The following FBXL17 variants were observed in gnomAD, a reference collection of about 807,000 sequenced individuals.
The protein encoded by FBXL17 is F-box and leucine rich repeat protein 17, also known as F-box/LRR-repeat protein 17.
FBXL17 carries 22 observed loss-of-function variants against 66.2 expected under a neutral mutation model. The observed-to-expected ratio is 0.33, with a 90% CI of 0.24 to 0.47. The LOEUF (loss-of-function observed/expected upper bound fraction) is 0.47, where lower values mean the gene tolerates loss of function less well. Among genes scored for constraint, FBXL17 ranks in the 20% least tolerant of loss-of-function variants. FBXL17 has a pLI of 1.00. For synonymous variants in FBXL17, 474 were observed against 400.5 expected, an observed-to-expected ratio of 1.18 and a Z score of -2.19; for missense variants, 878 against 948.2, an observed-to-expected ratio of 0.93 and a Z score of 0.97.
intron 7 of FBXL17, among the ~76,000 whole-genome samples, chr5:107,949,288 C>T (rs1052448818): frequency 1.3e-5 from 2 of 151,986 alleles, no homozygotes; most frequent in African/African-American, 4.8e-5. Context: ...TGGTTTTATT[C>T]TAGGTACCAT....
chr5:108,017,926 T>C (rs1754446716), intron 7 of FBXL17, among the ~76,000 whole-genome samples: 1 of 152,132 alleles, frequency 6.6e-6, no homozygotes. Flanking sequence ...CATAACTCTG[T>C]AACAGCCTGG....
intron 6 of FBXL17, among the ~76,000 whole-genome samples, chr5:108,115,574 C>T (rs1035167723): frequency 6.6e-6 from 1 of 151,114 alleles, no homozygotes; most frequent in Non-Finnish European, 1.5e-5. Context: ...GTTCAAGCTG[C>T]TGGGGGAAAG....
chr5:107,982,303 A>G (rs1441303401), intron 7 of FBXL17, among the ~76,000 whole-genome samples: 1 of 152,140 alleles, frequency 6.6e-6, no homozygotes, highest in Non-Finnish European at 1.5e-5. Context: ...GTACTGGGCC[A>G]TCAATATTGA....
chr5:107,879,092 G>A (rs1748700300), intron 8 of FBXL17: 2 of 985,346 alleles, frequency 2.0e-6, no homozygotes, highest in Non-Finnish European at 1.2e-6. Flanking sequence ...ATGCTGGTCA[G>A]CAAATATGTC....
chr5:107,874,996 T>C (rs545967708), intron 8 of FBXL17, among the ~76,000 whole-genome samples: 2 of 152,194 alleles, frequency 1.3e-5, no homozygotes, highest in Non-Finnish European at 1.5e-5. Flanking sequence ...GCACATGTCA[T>C]GTGGGCTGTC....
chr5:107,924,721 C>T (rs752290450), intron 7 of FBXL17, among the ~76,000 whole-genome samples: 3 of 152,126 alleles, frequency 2.0e-5, no homozygotes, highest in Non-Finnish European at 2.9e-5. Context: ...ATCTTAGGAA[C>T]CTTCCTTTTA....
chr5:107,964,448 T>C (rs2112634876), intron 7 of FBXL17, among the ~76,000 whole-genome samples: 1 of 152,138 alleles, frequency 6.6e-6, no homozygotes, highest in African/African-American at 2.4e-5. Flanking sequence ...TGAAGAGTAA[T>C]AAAATGTAAT....
chr5:108,141,432 T>C (rs1003910510), intron 6 of FBXL17, among the ~76,000 whole-genome samples: 3 of 152,122 alleles, frequency 2.0e-5, no homozygotes, highest in African/African-American at 7.2e-5. Flanking sequence ...CTATCCCTGC[T>C]GTTCTCTGAG....
At chr5:108,219,756 T>C (rs1387648405) in intron 5 of FBXL17, among the ~76,000 whole-genome samples, 7 of 152,072 alleles carry the variant, frequency 4.6e-5, no homozygotes, top group Admixed American at 6.6e-5. Context: ...GTAGTATCTG[T>C]AGTTTTGTCA....
chr5:107,936,215 T>A (rs1006484850), intron 7 of FBXL17, among the ~76,000 whole-genome samples: 1 of 152,130 alleles, frequency 6.6e-6, no homozygotes, highest in African/African-American at 2.4e-5. Flanking sequence ...TAACTTAATT[T>A]TTCAAATTCA....
chr5:108,123,499 C>A (rs2149967359), intron 6 of FBXL17, among the ~76,000 whole-genome samples: 1 of 152,152 alleles, frequency 6.6e-6, no homozygotes, highest in East Asian at 1.9e-4. Context: ...CATTTGAAAG[C>A]TTTAATATAA....
At chr5:107,878,169 AT>A (rs142009281) in intron 8 of FBXL17, 255,738 of 875,300 alleles carry the variant, frequency 0.29, 39,533 homozygotes, top group Admixed American at 0.42. Context: ...TGTATAAAAA[AT>A]AATCTTAATT....
At chr5:108,323,208 A>C (rs1369381983) in intron 4 of FBXL17, among the ~76,000 whole-genome samples, 3 of 151,920 alleles carry the variant, frequency 2.0e-5, no homozygotes, top group African/African-American at 7.2e-5. Context: ...AGAAGACCCT[A>C]AAGGTTCCAC....
intron 6 of FBXL17, among the ~76,000 whole-genome samples, chr5:108,148,444 C>T (rs1202750136): frequency 6.6e-6 from 1 of 152,122 alleles, no homozygotes; most frequent in African/African-American, 2.4e-5. Context: ...GTCCCTTTAG[C>T]GGAGCCCCAA....
intron 4 of FBXL17, among the ~76,000 whole-genome samples, chr5:108,341,793 C>T (rs963750032): frequency 4.6e-5 from 7 of 152,060 alleles, no homozygotes; most frequent in African/African-American, 1.7e-4. Flanking sequence ...TAAGCATTCC[C>T]CATATTTTTC....
intron 6 of FBXL17, among the ~76,000 whole-genome samples, chr5:108,142,144 C>G (rs540725515): frequency 6.6e-6 from 1 of 152,314 alleles, no homozygotes; most frequent in Admixed American, 6.5e-5. Flanking sequence ...AACACAAACA[C>G]ATTCTAACTC....
intron 7 of FBXL17, among the ~76,000 whole-genome samples, chr5:107,933,736 T>C (rs917952800): frequency 4.6e-5 from 7 of 152,134 alleles, no homozygotes; most frequent in Admixed American, 1.3e-4. Context: ...AAGTGTGAGG[T>C]AGTGTTAGGA....
rs888803679 is a variant in FBXL17, at chr5:108,345,495, T to C, written c.1506+2904A>G. Among the ~76,000 whole-genome samples the C allele has an allele frequency of 2.0e-5, 3 of 151,548 alleles. No homozygotes were observed. The South Asian group carries it at 6.3e-4, about 32-fold the overall frequency. On this transcript the variant is annotated intron_variant, in intron 4 of 8. Coordinates refer to ENST00000542267, the MANE Select transcript of FBXL17 (RefSeq NM_001163315.3). ...CCTTCCCCTTTTCTAAAGTTTATCT[T>C]ACTTAAACTAGTGCCACAAATAAAA...
intron 7 of FBXL17, among the ~76,000 whole-genome samples, chr5:107,958,030 GA>G (rs965801666): frequency 2.6e-5 from 4 of 151,744 alleles, no homozygotes; most frequent in African/African-American, 9.7e-5. Flanking sequence ...ACACGGCAGA[GA>G]AAAGGTCTAA....
Sources: allele counts gnomAD v4.1 joint callset (sites outside exome capture counted in the v4.1 genomes callset), GRCh38; gene constraint gnomAD v4.1.1; transcripts MANE v1.5; gene names NCBI Gene and HGNC (gene_info 2026-07-23, HGNC 2026-07-21).